CCDC73: variants seen among roughly 807,000 people sequenced by gnomAD.
CCDC73 encodes coiled-coil domain-containing protein 73.
Under a neutral mutation model 116.5 loss-of-function variants are expected in CCDC73, and 95 were observed. That is an observed-to-expected ratio of 0.82 (90% CI 0.69 to 0.97). CCDC73 has a LOEUF of 0.97. Ranked by LOEUF, CCDC73 falls within the 50% of genes least tolerant of loss-of-function variation. The pLI, the probability that CCDC73 is intolerant of heterozygous loss-of-function variation, is 0.00. For missense variants in CCDC73, 1,066 were observed against 1,206.8 expected (o/e 0.88, Z 1.73); for synonymous variants, 398 against 401.3 (o/e 0.99, Z 0.10).
intron 11 of CCDC73, 121 bp downstream of exon 11, chr11:32,653,849 ATACACATG>A: frequency 1.9e-6 from 2 of 1,046,074 alleles, no homozygotes; most frequent in South Asian, 4.3e-5. Context: ...TTTAAAAAGT[ATACACATG>A]TACATTTAAT....
chr11:32,607,644 G>A (rs201900), intron 17 of CCDC73, among the ~76,000 whole-genome samples: 122,050 of 152,064 alleles, frequency 0.8, 50,095 homozygotes, highest in African/African-American at 0.93. Context: ...GCAAGGTTAA[G>A]ACTTAGATTT....
the CCDC73 span, among the ~76,000 whole-genome samples, chr11:32,821,401 T>C: frequency 4.6e-4 from 70 of 152,348 alleles, no homozygotes; most frequent in Non-Finnish European, 9.1e-4. Context: ...TCAGAGGTCA[T>C]TTTTAAAAGT....
At chr11:32,712,042 C>T (rs541425865) in intron 3 of CCDC73, among the ~76,000 whole-genome samples, 143 of 152,228 alleles carry the variant, frequency 9.4e-4, no homozygotes, top group African/African-American at 2.7e-3. Context: ...CCTCATGCTG[C>T]GCAATCCTTG....
At chr11:32,624,272 G>A (rs894165269) in intron 14 of CCDC73, among the ~76,000 whole-genome samples, 1 of 152,006 alleles carries the variant, frequency 6.6e-6, no homozygotes, top group Non-Finnish European at 1.5e-5. Context: ...CCCAGGAGGC[G>A]GAGGTTGCAG....
chr11:32,788,927 G>A (rs995756433), intron 1 of CCDC73, among the ~76,000 whole-genome samples: 5 of 152,160 alleles, frequency 3.3e-5, no homozygotes, highest in East Asian at 1.9e-4. Context: ...CAAAGTCATG[G>A]TGCCCAAGCC....
At chr11:32,606,441 T>C (rs1855351929) in intron 17 of CCDC73, among the ~76,000 whole-genome samples, 1 of 152,202 alleles carries the variant, frequency 6.6e-6, no homozygotes, top group South Asian at 2.1e-4. Flanking sequence ...TCTATTAAAT[T>C]TATAAGGAGA....
At chr11:32,737,290 A>G (rs1850142398) in intron 2 of CCDC73, among the ~76,000 whole-genome samples, 2 of 147,288 alleles carry the variant, frequency 1.4e-5, no homozygotes, top group Admixed American at 1.4e-4. Context: ...CATGGTCCAT[A>G]GGATATTTTG....
chr11:32,711,395 GC>G (rs1849898891), intron 3 of CCDC73, among the ~76,000 whole-genome samples: 1 of 152,112 alleles, frequency 6.6e-6, no homozygotes, highest in African/African-American at 2.4e-5. Context: ...CAGTCCAAAT[GC>G]CCATCAATCA....
chr11:32,708,861 C>T (rs1305731867), intron 3 of CCDC73, among the ~76,000 whole-genome samples: 1 of 152,186 alleles, frequency 6.6e-6, no homozygotes, highest in African/African-American at 2.4e-5. Flanking sequence ...CCACAAACAG[C>T]GACAGTTTGA....
At chr11:32,798,907 G>T (rs1850748398), upstream of CCDC73, among the ~76,000 whole-genome samples, 1 of 102,230 alleles carries the variant, frequency 9.8e-6, no homozygotes, top group Non-Finnish European at 2.1e-5. Context: ...TTGTTTGTTT[G>T]TTTGTTTTGG....
chr11:32,709,482 A>T (rs1235356473), intron 3 of CCDC73, among the ~76,000 whole-genome samples: 2 of 152,096 alleles, frequency 1.3e-5, no homozygotes, highest in Non-Finnish European at 2.9e-5. Context: ...TTTTCAGTAG[A>T]GATGGGGTGT....
chr11:32,702,861 T>G lies in CCDC73; in HGVS notation c.279+12A>C. On this transcript the variant is annotated intron_variant, in intron 4 of 17. Coordinates refer to ENST00000335185, the MANE Select transcript of CCDC73 (RefSeq NM_001008391.4). The stretch of plus-strand genomic sequence containing the variant: ...TTAAAATGGTAGTGTTTGTCTATCC[T>G]TATGAAATTACCTGCTTTTTAAAAA... 1 of 1,572,786 alleles carries G rather than the reference T, an allele frequency of 6.4e-7. No homozygotes were observed. Among genetic ancestry groups the G allele is most frequent in the Non-Finnish European group, 8.8e-7 (1 of 1,142,328 alleles).
chr11:32,618,604 G>A (rs1435106348), intron 14 of CCDC73, among the ~76,000 whole-genome samples: 2 of 152,128 alleles, frequency 1.3e-5, no homozygotes, highest in Non-Finnish European at 2.9e-5. Flanking sequence ...CCAGGCTGGA[G>A]TGCAGTGATG....
intron 9 of CCDC73, among the ~76,000 whole-genome samples, chr11:32,671,254 TCAGA>T (rs2133282944): frequency 6.6e-6 from 1 of 152,248 alleles, no homozygotes; most frequent in East Asian, 1.9e-4. Context: ...TGACATTTAC[TCAGA>T]CAAACAGCAG....
intron 9 of CCDC73, among the ~76,000 whole-genome samples, chr11:32,657,165 C>T (rs907296010): frequency 2.6e-5 from 4 of 152,128 alleles, no homozygotes; most frequent in South Asian, 4.1e-4. Context: ...CAGCAGAAAA[C>T]AGGGCTACTA....
At chr11:32,822,106 G>A in the CCDC73 span, among the ~76,000 whole-genome samples, 9 of 152,260 alleles carry the variant, frequency 5.9e-5, no homozygotes, top group East Asian at 7.7e-4. Flanking sequence ...TAACACATAC[G>A]TCATTTTACT....
At chr11:32,721,016 T>C (rs745816206) in intron 2 of CCDC73, among the ~76,000 whole-genome samples, 3 of 152,134 alleles carry the variant, frequency 2.0e-5, no homozygotes, top group Non-Finnish European at 2.9e-5. Context: ...GTAATGATAC[T>C]TATTTTATTT....
At chr11:32,806,283 T>C in the CCDC73 span, among the ~76,000 whole-genome samples, 1 of 152,160 alleles carries the variant, frequency 6.6e-6, no homozygotes, top group African/African-American at 2.4e-5. Context: ...TTCCTGTTGA[T>C]TGGTGTTGAC....
intron 17 of CCDC73, among the ~76,000 whole-genome samples, chr11:32,610,850 C>T (rs937271792): frequency 6.6e-6 from 1 of 152,124 alleles, no homozygotes; most frequent in Non-Finnish European, 1.5e-5. Flanking sequence ...GCTCAAATAC[C>T]ACTATTTCCA....
Sources: allele counts gnomAD v4.1 joint callset (sites outside exome capture counted in the v4.1 genomes callset), GRCh38; gene constraint gnomAD v4.1.1; transcripts MANE v1.5; gene names NCBI Gene and HGNC (gene_info 2026-07-23, HGNC 2026-07-21).